EFNA5: variants seen among roughly 807,000 people sequenced by gnomAD.
The protein encoded by EFNA5 is ephrin-A5.
In EFNA5, 5 loss-of-function variants were observed where a neutral mutation model predicts 22.9. The observed-to-expected ratio is 0.22, with a 90% CI of 0.11 to 0.46. EFNA5 has a LOEUF of 0.46. Ranked by LOEUF, EFNA5 falls within the 20% of genes least tolerant of loss-of-function variation. The pLI is 0.99. For missense variants in EFNA5, 237 were observed against 293.3 expected (o/e 0.81, Z 1.40); for synonymous variants, 113 against 112.2 (o/e 1.01, Z -0.04).
intron 2 of EFNA5, among the ~76,000 whole-genome samples, chr5:107,413,933 T>C (rs754487208): frequency 6.6e-6 from 1 of 152,170 alleles, no homozygotes; most frequent in Non-Finnish European, 1.5e-5. Flanking sequence ...CCCTGGATTA[T>C]ACCAACATTC....
At chr5:107,628,193 T>G (rs1750179557) in intron 1 of EFNA5, among the ~76,000 whole-genome samples, 1 of 152,146 alleles carries the variant, frequency 6.6e-6, no homozygotes, top group African/African-American at 2.4e-5. Flanking sequence ...ACTACACAGC[T>G]AGTGGAAGAT....
intron 1 of EFNA5, among the ~76,000 whole-genome samples, chr5:107,515,012 T>C (rs984730433): frequency 2.0e-5 from 3 of 152,170 alleles, no homozygotes; most frequent in Admixed American, 6.5e-5. Flanking sequence ...GGACTAGACA[T>C]GTGCAGGATG....
At chr5:107,661,969 C>A (rs1422718048) in intron 1 of EFNA5, among the ~76,000 whole-genome samples, 1 of 151,720 alleles carries the variant, frequency 6.6e-6, no homozygotes, top group African/African-American at 2.4e-5. Flanking sequence ...GGGAAAGAGG[C>A]AAGAGCTAAT....
At chr5:107,607,815 G>A (rs1282611684) in intron 1 of EFNA5, among the ~76,000 whole-genome samples, 3 of 152,048 alleles carry the variant, frequency 2.0e-5, no homozygotes, top group Non-Finnish European at 2.9e-5. Flanking sequence ...CTTGCTTACG[G>A]TGCATGACCC....
At chr5:107,495,912 A>G (rs1482483124) in intron 1 of EFNA5, among the ~76,000 whole-genome samples, 1 of 152,114 alleles carries the variant, frequency 6.6e-6, no homozygotes, top group Non-Finnish European at 1.5e-5. Context: ...CAAAGGCAGG[A>G]GGCAAGCTTT....
At chr5:107,522,405 T>C (rs1747617482) in intron 1 of EFNA5, among the ~76,000 whole-genome samples, 1 of 152,034 alleles carries the variant, frequency 6.6e-6, no homozygotes, top group African/African-American at 2.4e-5. Context: ...TTTTTCTTTG[T>C]CTTTTTTTAA....
At chr5:107,559,848 T>G (rs1748499968) in intron 1 of EFNA5, among the ~76,000 whole-genome samples, 1 of 152,216 alleles carries the variant, frequency 6.6e-6, no homozygotes, top group Non-Finnish European at 1.5e-5. Context: ...GGAGTTTATT[T>G]GCTTTAAAAA....
chr5:107,569,290 A>G (rs1256291089), intron 1 of EFNA5, among the ~76,000 whole-genome samples: 1 of 150,840 alleles, frequency 6.6e-6, no homozygotes, highest in Non-Finnish European at 1.5e-5. Flanking sequence ...TTGTGAAGCA[A>G]CTCAAATTTC....
At chr5:107,487,227 TC>T (rs1746655800) in intron 1 of EFNA5, among the ~76,000 whole-genome samples, 1 of 152,106 alleles carries the variant, frequency 6.6e-6, no homozygotes, top group African/African-American at 2.4e-5. Context: ...TGGCCCCCAC[TC>T]CCTCTTCCCC....
At chr5:107,577,916 C>T (rs976804693) in intron 1 of EFNA5, among the ~76,000 whole-genome samples, 7 of 152,166 alleles carry the variant, frequency 4.6e-5, no homozygotes, top group Non-Finnish European at 1.0e-4. Flanking sequence ...CTGTGGAAGA[C>T]TTCCTGAAAT....
chr5:107,516,750 T>C (rs1440896396), intron 1 of EFNA5, among the ~76,000 whole-genome samples: 1 of 152,218 alleles, frequency 6.6e-6, no homozygotes, highest in Non-Finnish European at 1.5e-5. Flanking sequence ...AGCATTTATT[T>C]AGTAAAGCCA....
At chr5:107,514,229 G>A (rs1271396346) in intron 1 of EFNA5, among the ~76,000 whole-genome samples, 4 of 152,116 alleles carry the variant, frequency 2.6e-5, no homozygotes, top group South Asian at 4.1e-4. Context: ...GCAGAGAGAC[G>A]GGGCTCCTCA....
At chr5:107,555,361 C>G (rs1012749373) in intron 1 of EFNA5, among the ~76,000 whole-genome samples, 3 of 152,204 alleles carry the variant, frequency 2.0e-5, no homozygotes, top group African/African-American at 7.2e-5. Flanking sequence ...CATGTTCAAC[C>G]ATTTTTTAGT....
intron 1 of EFNA5, among the ~76,000 whole-genome samples, chr5:107,530,794 T>C (rs1015598096): frequency 3.9e-5 from 6 of 152,216 alleles, no homozygotes; most frequent in African/African-American, 1.4e-4. Flanking sequence ...GTAGGTTTTG[T>C]GTAAGGATGA....
At chr5:107,596,118 T>A (rs1459114370) in intron 1 of EFNA5, among the ~76,000 whole-genome samples, 3 of 152,178 alleles carry the variant, frequency 2.0e-5, no homozygotes, top group Non-Finnish European at 4.4e-5. Flanking sequence ...GAAAATTCAA[T>A]TTTCTTGTAT....
At chr5:107,429,181 G>A (rs1221960393) in intron 1 of EFNA5, among the ~76,000 whole-genome samples, 4 of 152,296 alleles carry the variant, frequency 2.6e-5, no homozygotes, top group Admixed American at 6.5e-5. Context: ...AGTGGCTCAC[G>A]CCTGTAATCC....
At chr5:107,453,904 T>G (rs1255042453) in intron 1 of EFNA5, among the ~76,000 whole-genome samples, 1 of 151,886 alleles carries the variant, frequency 6.6e-6, no homozygotes, top group East Asian at 1.9e-4. Flanking sequence ...AATAATCAGC[T>G]CTCAGCAGCC....
rs189242105 is a variant in EFNA5 at position 107,646,554 on chromosome 5, T to C, written c.125+23935A>G. Among the ~76,000 whole-genome samples, 213 of 152,312 alleles carry C rather than the reference T, an allele frequency of 1.4e-3. 1 individual carries two copies. The highest frequency in any genetic ancestry group is 2.6e-3 in the Non-Finnish European group (180 of 68,002). ...ACTGAGGGATAGTAAAGGGTAATACTGATTAAACATGTTGGTACTAGTTCT... is the reference window on the plus strand; with the variant it reads ...ACTGAGGGATAGTAAAGGGTAATACCGATTAAACATGTTGGTACTAGTTCT... On this transcript the variant is annotated intron_variant, in intron 1 of 4. Coordinates refer to ENST00000333274, the MANE Select transcript of EFNA5 (RefSeq NM_001962.3).
At chr5:107,576,636 G>T (rs1378208327) in intron 1 of EFNA5, among the ~76,000 whole-genome samples, 1 of 152,146 alleles carries the variant, frequency 6.6e-6, no homozygotes, top group Non-Finnish European at 1.5e-5. Flanking sequence ...AATTACCACT[G>T]CTTATCCAGC....
Sources: allele counts gnomAD v4.1 joint callset (sites outside exome capture counted in the v4.1 genomes callset), GRCh38; gene constraint gnomAD v4.1.1; transcripts MANE v1.5; gene names NCBI Gene and HGNC (gene_info 2026-07-23, HGNC 2026-07-21).